Variants in ITFG1 observed in about 807,000 individuals in gnomAD.
ITFG1 encodes T-cell immunomodulatory protein.
ITFG1 carries 34 observed loss-of-function variants against 81.8 expected under a neutral mutation model. The observed-to-expected ratio is 0.42, with a 90% CI of 0.32 to 0.55. ITFG1 has a LOEUF of 0.55. Ranked by LOEUF, ITFG1 falls within the 20% of genes least tolerant of loss-of-function variation. ITFG1 has a pLI of 0.17. For missense variants in ITFG1, 672 were observed against 755.4 expected, an observed-to-expected ratio of 0.89 and a Z score of 1.29; for synonymous variants, 285 against 270.6, an observed-to-expected ratio of 1.05 and a Z score of -0.52.
chr16:47,237,211 T>TCGTCAA (rs2151533796), intron 13 of ITFG1, among the ~76,000 whole-genome samples: 1 of 152,350 alleles, frequency 6.6e-6, no homozygotes, highest in South Asian at 2.1e-4. Flanking sequence ...ACATAAAATA[T>TCGTCAA]TGTCAATGTA....
intron 10 of ITFG1, among the ~76,000 whole-genome samples, chr16:47,284,333 A>T (rs1966862000): frequency 6.6e-6 from 1 of 152,234 alleles, no homozygotes; most frequent in Admixed American, 6.5e-5. Context: ...AAAAAAGAGC[A>T]CCAATAAGAT....
At chr16:47,180,511 T>G (rs999208708) in intron 14 of ITFG1, among the ~76,000 whole-genome samples, 2 of 150,612 alleles carry the variant, frequency 1.3e-5, no homozygotes, top group Non-Finnish European at 3.0e-5. Flanking sequence ...GCCTGCTGAG[T>G]GCCTGCAATT....
chr16:47,155,764 T>C lies in ITFG1; in HGVS notation c.1794A>G (p.Arg598=). ...ACCGGTGGGCTTCTTGTCGTTTTTC[T>C]CTATCATCTGCTTTCTGAAAAAGAA... ...LHWQEKKADD[R]EKRQEAHRFH... is the part of the protein sequence containing the mutation. Residue 598 remains arginine, a synonymous_variant, in exon 18 of 18, where the codon AGA becomes AGG. Transcript: ENST00000320640. The C allele has an allele frequency of 6.2e-7, 1 of 1,608,324 alleles. No homozygotes were observed. Among genetic ancestry groups the C allele is most frequent in the Non-Finnish European group, 8.5e-7 (1 of 1,177,248 alleles).
intron 6 of ITFG1, among the ~76,000 whole-genome samples, chr16:47,387,793 T>A (rs1440924977): frequency 3.3e-5 from 5 of 152,042 alleles, no homozygotes; most frequent in African/African-American, 4.8e-5. Flanking sequence ...CAATAAAAAA[T>A]TATGAGACCC....
At chr16:47,212,563 G>A (rs190017081) in intron 14 of ITFG1, among the ~76,000 whole-genome samples, 1 of 152,228 alleles carries the variant, frequency 6.6e-6, no homozygotes, top group East Asian at 1.9e-4. Flanking sequence ...CTTACCACTT[G>A]GGTCTACCTA....
At chr16:47,420,613 C>T (rs1226795198) in intron 6 of ITFG1, among the ~76,000 whole-genome samples, 2 of 152,166 alleles carry the variant, frequency 1.3e-5, no homozygotes, top group Admixed American at 6.5e-5. Context: ...GTATTAATTT[C>T]CATAAAAATA....
chr16:47,297,445 C>T (rs1293352198), intron 10 of ITFG1, among the ~76,000 whole-genome samples: 1 of 152,022 alleles, frequency 6.6e-6, no homozygotes, highest in Non-Finnish European at 1.5e-5. Context: ...TATACTTTCC[C>T]GCACTTTTAT....
At chr16:47,285,218 G>A (rs987943370) in intron 10 of ITFG1, among the ~76,000 whole-genome samples, 18 of 152,028 alleles carry the variant, frequency 1.2e-4, no homozygotes, top group Non-Finnish European at 1.5e-5. Flanking sequence ...CTATACCCTG[G>A]GGGAAGAATG....
chr16:47,315,768 C>CATATATATATATATATATATATACAT (rs546244760), intron 8 of ITFG1, among the ~76,000 whole-genome samples: 1 of 144,468 alleles, frequency 6.9e-6, no homozygotes, highest in African/African-American at 2.9e-5. Flanking sequence ...TTCTAAATGC[C>CATATATATATATATATATATATACAT]ATATATATAT....
At chr16:47,421,295 C>T (rs1198869669) in intron 6 of ITFG1, among the ~76,000 whole-genome samples, 1 of 149,210 alleles carries the variant, frequency 6.7e-6, no homozygotes, top group Non-Finnish European at 1.5e-5. Flanking sequence ...CACACACACA[C>T]ACACACACAC....
intron 13 of ITFG1, among the ~76,000 whole-genome samples, chr16:47,226,320 C>T (rs1965756486): frequency 6.6e-6 from 1 of 152,234 alleles, no homozygotes; most frequent in Admixed American, 6.5e-5. Flanking sequence ...AGCAAGTCTT[C>T]TGCCTCAGCC....
chr16:47,400,386 C>T (rs1319303532), intron 6 of ITFG1, among the ~76,000 whole-genome samples: 1 of 152,000 alleles, frequency 6.6e-6, no homozygotes, highest in Non-Finnish European at 1.5e-5. Flanking sequence ...CACACACACA[C>T]ACACCACTAG....
intron 11 of ITFG1, among the ~76,000 whole-genome samples, chr16:47,259,308 C>T (rs1234497118): frequency 6.6e-6 from 1 of 151,762 alleles, no homozygotes; most frequent in Non-Finnish European, 1.5e-5. Context: ...TTGTATAAGC[C>T]CTTTTATATT....
At chr16:47,433,595 C>T (rs1232549657) in intron 5 of ITFG1, among the ~76,000 whole-genome samples, 1 of 150,988 alleles carries the variant, frequency 6.6e-6, no homozygotes, top group Non-Finnish European at 1.5e-5. Flanking sequence ...AAGTTTTATA[C>T]TTATTGCCTA....
chr16:47,284,772 T>A (rs1966863471), intron 10 of ITFG1, among the ~76,000 whole-genome samples: 1 of 152,170 alleles, frequency 6.6e-6, no homozygotes, highest in Non-Finnish European at 1.5e-5. Context: ...CATGGAAGAA[T>A]AACTGTTTCT....
chr16:47,280,794 C>T (rs115158813), intron 10 of ITFG1, among the ~76,000 whole-genome samples: 4 of 152,190 alleles, frequency 2.6e-5, no homozygotes, highest in East Asian at 1.9e-4. Context: ...TTGAGTCCAA[C>T]GACCAATGGC....
At chr16:47,165,386 A>T (rs1179344193) in intron 14 of ITFG1, among the ~76,000 whole-genome samples, 1 of 152,240 alleles carries the variant, frequency 6.6e-6, no homozygotes, top group Non-Finnish European at 1.5e-5. Flanking sequence ...AGGCATTAAC[A>T]ATGTGTATGA....
At chr16:47,167,873 TG>T (rs779574418) in intron 14 of ITFG1, among the ~76,000 whole-genome samples, 31 of 152,356 alleles carry the variant, frequency 2.0e-4, no homozygotes, top group Middle Eastern at 6.8e-3. Flanking sequence ...ATGAACTATT[TG>T]GCTATTATTG....
At chr16:47,315,415 C>A (rs767528763) in intron 8 of ITFG1, among the ~76,000 whole-genome samples, 1 of 151,812 alleles carries the variant, frequency 6.6e-6, no homozygotes, top group Non-Finnish European at 1.5e-5. Flanking sequence ...TTCATTAAAA[C>A]CAAACCATTC....
Sources: gnomAD v4.1 joint callset for allele counts (sites outside exome capture counted in the v4.1 genomes callset) on GRCh38, gnomAD v4.1.1 for gene constraint, MANE v1.5 for transcripts, NCBI Gene and HGNC (gene_info 2026-07-23, HGNC 2026-07-21) for gene names.